WDR70: variants seen among roughly 807,000 people sequenced by gnomAD.
The protein encoded by WDR70 is WD repeat domain 70.
In WDR70, 53 loss-of-function variants were observed where a neutral mutation model predicts 88.6. That is an observed-to-expected ratio of 0.60 (90% CI 0.48 to 0.75). The LOEUF (loss-of-function observed/expected upper bound fraction) is 0.75. Ranked by LOEUF, WDR70 falls within the 30% of genes least tolerant of loss-of-function variation. The pLI, the probability that WDR70 is intolerant of heterozygous loss-of-function variation, is 0.00. For missense variants in WDR70, 610 were observed against 823.2 expected (o/e 0.74, Z 3.17); for synonymous variants, 280 against 270.0 (o/e 1.04, Z -0.36).
chr5:37,581,116 C>T (rs571880971), intron 9 of WDR70, among the ~76,000 whole-genome samples: 2 of 152,256 alleles, frequency 1.3e-5, no homozygotes, highest in South Asian at 4.2e-4. Flanking sequence ...AGAAAATAGA[C>T]CTTTCTTTTC....
At chr5:37,509,059 T>C (rs1228383303) in intron 8 of WDR70, among the ~76,000 whole-genome samples, 1 of 152,200 alleles carries the variant, frequency 6.6e-6, no homozygotes, top group Non-Finnish European at 1.5e-5. Context: ...GGATCAGTAC[T>C]GATATATCTC....
At chr5:37,525,895 A>C (rs1741252980) in intron 9 of WDR70, among the ~76,000 whole-genome samples, 1 of 152,204 alleles carries the variant, frequency 6.6e-6, no homozygotes, top group Non-Finnish European at 1.5e-5. Flanking sequence ...GAAATGGATA[A>C]ATTCCTGGAC....
intron 9 of WDR70, among the ~76,000 whole-genome samples, chr5:37,595,667 T>C (rs1314808366): frequency 1.3e-5 from 2 of 152,196 alleles, no homozygotes; most frequent in African/African-American, 4.8e-5. Context: ...ACTAGAGAAC[T>C]TACTTTACTC....
Position 37,449,613 on chromosome 5 carries a change from AAAAAT to A in WDR70, c.686+6245_686+6249del, listed in dbSNP as rs1561856935. 5.3e-4 allele frequency among the ~76,000 whole-genome samples: 48 copies of A among 90,486 alleles called. 2 individuals carry two copies. Among genetic ancestry groups the A allele is most frequent in the Middle Eastern group, 5.5e-3 (1 of 182 alleles). 59.4% of individuals were successfully genotyped at this position (90,486 alleles called of 152,430 possible). A position where few individuals can be genotyped will look rare whatever the true frequency, so the allele number is the denominator to read the frequency against. ...CTCAAAAAAAAAAAAATAAAAAATA[AAAAAT>A]AAATAAATAAATAAATAAAATCAAA... On this transcript the variant is annotated intron_variant, in intron 7 of 17. Transcript: ENST00000265107.
intron 10 of WDR70, among the ~76,000 whole-genome samples, chr5:37,659,492 G>A (rs1745643413): frequency 6.6e-6 from 1 of 152,040 alleles, no homozygotes; most frequent in South Asian, 2.1e-4. Context: ...TGGAAGCATA[G>A]GAATTTTATT....
intron 7 of WDR70, among the ~76,000 whole-genome samples, chr5:37,461,117 A>G (rs75321128): frequency 1.0e-5 from 1 of 100,386 alleles, no homozygotes; most frequent in Non-Finnish European, 2.4e-5. Context: ...AAAAAAAAAA[A>G]AAAAAAAATA....
At chr5:37,429,909 G>A (rs1322526009) in intron 5 of WDR70, among the ~76,000 whole-genome samples, 6 of 152,150 alleles carry the variant, frequency 3.9e-5, no homozygotes, top group Admixed American at 2.0e-4. Flanking sequence ...GGTTGAGATT[G>A]TATTGAATCT....
chr5:37,593,060 C>T (rs1049148782), intron 9 of WDR70, among the ~76,000 whole-genome samples: 2 of 152,166 alleles, frequency 1.3e-5, no homozygotes, highest in African/African-American at 4.8e-5. Flanking sequence ...ATGGATGAGG[C>T]AGGAGAATTG....
At chr5:37,723,200 T>C in intron 15 of WDR70, 1 of 434,822 alleles carries the variant, frequency 2.3e-6, no homozygotes, top group East Asian at 3.8e-5. Flanking sequence ...ATAGCAGTTT[T>C]TTCAAGAGTA....
intron 10 of WDR70, among the ~76,000 whole-genome samples, chr5:37,632,568 T>C (rs1744846032): frequency 6.6e-6 from 1 of 152,160 alleles, no homozygotes; most frequent in Non-Finnish European, 1.5e-5. Flanking sequence ...AACAAAAAAG[T>C]TTTAAAAGTT....
intron 7 of WDR70, among the ~76,000 whole-genome samples, chr5:37,467,510 G>A (rs1406856156): frequency 6.7e-6 from 1 of 149,368 alleles, no homozygotes; most frequent in East Asian, 2.0e-4. Flanking sequence ...TCCTCACTTT[G>A]GGGGTTAGGG....
intron 9 of WDR70, among the ~76,000 whole-genome samples, chr5:37,574,152 A>C (rs1210711625): frequency 6.6e-6 from 1 of 152,176 alleles, no homozygotes; most frequent in Admixed American, 6.6e-5. Flanking sequence ...TTGACAATCC[A>C]CTGGGACCTC....
intron 4 of WDR70, among the ~76,000 whole-genome samples, chr5:37,392,489 A>G (rs1055682547): frequency 2.6e-5 from 4 of 151,730 alleles, no homozygotes; most frequent in Admixed American, 6.6e-5. Flanking sequence ...AGCTGGGACT[A>G]CAGACGTGCA....
chr5:37,568,484 T>C (rs1334759118), intron 9 of WDR70, among the ~76,000 whole-genome samples: 1 of 152,214 alleles, frequency 6.6e-6, no homozygotes, highest in East Asian at 1.9e-4. Flanking sequence ...GAATGCACTA[T>C]ATTACAATCA....
intron 7 of WDR70, among the ~76,000 whole-genome samples, chr5:37,453,405 A>T (rs1187279136): frequency 1.3e-5 from 2 of 152,254 alleles, no homozygotes; most frequent in Non-Finnish European, 2.9e-5. Context: ...ATGGGCTGAA[A>T]TAAAGGGATG....
chr5:37,436,026 CTG>C (rs1219299244), intron 5 of WDR70, among the ~76,000 whole-genome samples: 1 of 152,022 alleles, frequency 6.6e-6, no homozygotes, highest in Admixed American at 6.6e-5. Context: ...ATCGTAAGTT[CTG>C]TGACTGAGAT....
chr5:37,525,558 A>T (rs1251332429), intron 9 of WDR70, among the ~76,000 whole-genome samples: 5 of 152,210 alleles, frequency 3.3e-5, no homozygotes, highest in Non-Finnish European at 7.3e-5. Flanking sequence ...CCCTAACATT[A>T]CAATTAAAAG....
chr5:37,620,111 T>C (rs891952738), intron 10 of WDR70: 14 of 152,284 alleles, frequency 9.2e-5, no homozygotes, highest in Admixed American at 2.6e-4. Flanking sequence ...TCTTGTTCTT[T>C]ATCATTTTTT....
intron 5 of WDR70, among the ~76,000 whole-genome samples, chr5:37,424,696 A>G (rs1254925572): frequency 6.6e-6 from 1 of 152,182 alleles, no homozygotes; most frequent in Non-Finnish European, 1.5e-5. Context: ...GGCATGAGTC[A>G]CCATGCCCAA....
Sources: gnomAD v4.1 joint callset for allele counts (sites outside exome capture counted in the v4.1 genomes callset) on GRCh38, gnomAD v4.1.1 for gene constraint, MANE v1.5 for transcripts, NCBI Gene and HGNC (gene_info 2026-07-23, HGNC 2026-07-21) for gene names.